The following EDA variants were observed in gnomAD, a reference collection of about 807,000 sequenced individuals.
EDA encodes the protein ectodysplasin-A.
Under a neutral mutation model 23.6 loss-of-function variants are expected in EDA, and 2 were observed. The ratio of observed to expected loss-of-function variants is 0.08; its 90% confidence interval spans 0.03 to 0.27. The LOEUF is 0.27. Among genes scored for constraint, EDA ranks in the 10% least tolerant of loss-of-function variants. EDA has a pLI of 1.00. For synonymous variants in EDA, 131 were observed against 132.0 expected (o/e 0.99, Z 0.05); for missense variants, 229 against 324.2 (o/e 0.71, Z 2.26).
At chrX:69,933,829 A>C (rs1438810681) in intron 1 of EDA, among the ~76,000 whole-genome samples, 1 of 112,075 alleles carries the variant, frequency 8.9e-6, no homozygotes, top group African/African-American at 3.2e-5. Flanking sequence ...TTGCAATATT[A>C]AAATGTCATG....
intron 1 of EDA, among the ~76,000 whole-genome samples, chrX:69,764,269 G>GTT: frequency 1.4e-5 from 1 of 69,710 alleles, no homozygotes; most frequent in African/African-American, 6.3e-5. Context: ...TTGAGACAGA[G>GTT]TCTCACTCTG....
chrX:69,738,244 C>G (rs749114946), intron 1 of EDA, among the ~76,000 whole-genome samples: 4 of 109,954 alleles, frequency 3.6e-5, no homozygotes, highest in Non-Finnish European at 7.6e-5. Context: ...GCTTCTGTTG[C>G]TTAGTCTTTA....
intron 2 of EDA, among the ~76,000 whole-genome samples, chrX:69,995,750 A>G (rs773781671): frequency 1.8e-5 from 2 of 112,554 alleles, no homozygotes; most frequent in African/African-American, 6.5e-5. Context: ...ATAAAAAGGC[A>G]AATTAGTTTG....
At chrX:69,660,042 A>G (rs5980657) in intron 1 of EDA, among the ~76,000 whole-genome samples, 6,780 of 111,672 alleles carry the variant, frequency 0.061, 205 homozygotes, top group Non-Finnish European at 0.089. Context: ...TCCACCGACC[A>G]TAACATTTGT....
intron 1 of EDA, among the ~76,000 whole-genome samples, chrX:69,628,825 CCCTT>C: frequency 9.0e-6 from 1 of 110,919 alleles, no homozygotes; most frequent in South Asian, 3.8e-4. Context: ...TTGCATGACT[CCCTT>C]TCTTTCTAGT....
intron 1 of EDA, among the ~76,000 whole-genome samples, chrX:69,757,104 T>C (rs759518793): frequency 9.0e-6 from 1 of 111,619 alleles, no homozygotes; most frequent in East Asian, 2.8e-4. Flanking sequence ...TAAGGGGAGA[T>C]CAATTAGTGA....
chrX:69,972,665 A>G (rs1212300449), intron 2 of EDA, among the ~76,000 whole-genome samples: 1 of 111,597 alleles, frequency 9.0e-6, no homozygotes, highest in Non-Finnish European at 1.9e-5. Context: ...TTGATCTCTC[A>G]GCCTCAGTTC....
At chrX:69,652,250 G>A (rs946950650) in intron 1 of EDA, among the ~76,000 whole-genome samples, 4 of 111,349 alleles carry the variant, frequency 3.6e-5, no homozygotes, top group Non-Finnish European at 7.5e-5. Context: ...GCTAGGGCAA[G>A]CAAGTTGAGG....
intron 1 of EDA, among the ~76,000 whole-genome samples, chrX:69,824,608 T>A (rs1347791519): frequency 2.0e-5 from 2 of 102,468 alleles, no homozygotes; most frequent in East Asian, 6.4e-4. Flanking sequence ...GCTGAGACAA[T>A]GGGGTTTTCT....
rs1171251809 is a variant in EDA, at chrX:69,786,384, G to A, written c.396+169680G>A. The stretch of plus-strand genomic sequence containing the variant: ...TCTAGTTCTTTTAATTGTGATGTTA[G>A]GGTGTCAATTTTGGATCTTTCCTGC... On this transcript the variant is annotated intron_variant, in intron 1 of 7. Transcript: ENST00000374552. Among the ~76,000 whole-genome samples, 3 of 104,707 alleles carry A rather than the reference G, an allele frequency of 2.9e-5. No homozygotes were observed. The Admixed American group carries it at 3.1e-4, about 11-fold the overall frequency. 90.9% of individuals were successfully genotyped at this position (104,707 alleles called of 115,157 possible). A position where few individuals can be genotyped will look rare whatever the true frequency, so the allele number is the denominator to read the frequency against.
intron 1 of EDA, among the ~76,000 whole-genome samples, chrX:69,784,905 T>C (rs1258162644): frequency 9.0e-6 from 1 of 111,306 alleles, no homozygotes; most frequent in Non-Finnish European, 1.9e-5. Context: ...TTCACGATAT[T>C]GATTCTTCCT....
rs2020303778 is a variant in EDA, at chrX:70,039,432, A to G, written c.*3823A>G. 8.9e-6 allele frequency: 1 copy of G among 112,014 alleles called. No homozygotes were observed. Among genetic ancestry groups the G allele is most frequent in the African/African-American group, 3.3e-5 (1 of 30,698 alleles). The allele number at this position is 112,014 out of a possible 1,213,427, so 9.2% of individuals were successfully genotyped here. On this transcript the variant is annotated 3_prime_UTR_variant, in exon 8 of 8. Coordinates refer to ENST00000374552, the MANE Select transcript of EDA (RefSeq NM_001399.5). ...GTAAGTTTGTGTAAATTAATGGTTT[A>G]TTCTTTGCAAATAAAACGCTTTCCC...
At chrX:69,653,218 T>C (rs768094918) in intron 1 of EDA, among the ~76,000 whole-genome samples, 1 of 111,634 alleles carries the variant, frequency 9.0e-6, no homozygotes, top group East Asian at 2.8e-4. Flanking sequence ...GATTCCTAGG[T>C]ATTTTATTCT....
chrX:69,987,258 A>T (rs2019508260), intron 2 of EDA, among the ~76,000 whole-genome samples: 1 of 101,199 alleles, frequency 9.9e-6, no homozygotes, highest in Non-Finnish European at 2.0e-5. Context: ...CATGTACCCT[A>T]AAACTTAAAG....
intron 1 of EDA, among the ~76,000 whole-genome samples, chrX:69,636,692 T>C (rs1455939553): frequency 1.8e-5 from 2 of 109,129 alleles, no homozygotes; most frequent in Admixed American, 9.9e-5. Context: ...TGTGATACTT[T>C]ATTATAAATC....
intron 1 of EDA, among the ~76,000 whole-genome samples, chrX:69,804,197 A>G (rs1181747015): frequency 9.0e-6 from 1 of 111,174 alleles, no homozygotes; most frequent in Non-Finnish European, 1.9e-5. Context: ...TTGCTAGATC[A>G]TATGGTAGTT....
chrX:69,891,588 AG>A (rs145653640), intron 1 of EDA, among the ~76,000 whole-genome samples: 33,918 of 110,893 alleles, frequency 0.31, 4,897 homozygotes, highest in Middle Eastern at 0.54. Context: ...AGCCATAAAA[AG>A]GAACGAGATC....
chrX:70,022,443 T>G (rs1026138967), intron 2 of EDA, among the ~76,000 whole-genome samples: 3 of 109,723 alleles, frequency 2.7e-5, no homozygotes, highest in African/African-American at 1.0e-4. Context: ...TTCACGCCAT[T>G]CTCCTGGCTC....
At chrX:69,904,598 C>A (rs1230719261) in intron 1 of EDA, among the ~76,000 whole-genome samples, 1 of 112,336 alleles carries the variant, frequency 8.9e-6, no homozygotes, top group African/African-American at 3.2e-5. Flanking sequence ...GATCTTCCCA[C>A]TTCGGCCTTC....
Sources: gnomAD v4.1 joint callset for allele counts (sites outside exome capture counted in the v4.1 genomes callset) on GRCh38, gnomAD v4.1.1 for gene constraint, MANE v1.5 for transcripts, NCBI Gene and HGNC (gene_info 2026-07-23, HGNC 2026-07-21) for gene names.